The following ARHGAP22 variants were observed in gnomAD, a reference collection of about 807,000 sequenced individuals.
ARHGAP22 encodes the protein Rho GTPase activating protein 22.
A neutral mutation model predicts 59.1 loss-of-function variants in ARHGAP22; 48 were observed. The observed-to-expected ratio is 0.81, with a 90% CI of 0.64 to 1.03. The LOEUF is 1.03. Ranked by LOEUF, ARHGAP22 falls within the 50% of genes least tolerant of loss-of-function variation. ARHGAP22 has a pLI of 0.00. For synonymous variants in ARHGAP22, 445 were observed against 416.4 expected (o/e 1.07, Z -0.84); for missense variants, 1,015 against 958.7 (o/e 1.06, Z -0.78).
intron 1 of ARHGAP22, among the ~76,000 whole-genome samples, chr10:48,587,877 C>T (rs887468824): frequency 1.3e-5 from 2 of 152,244 alleles, no homozygotes; most frequent in East Asian, 1.9e-4. Context: ...CTCATCAGCA[C>T]AGTCCAGCTC....
In ARHGAP22 at chr10:48,496,733, G is replaced by A. The variant is rs146374272; in HGVS notation, c.323-16969C>T. Among the ~76,000 whole-genome samples the A allele has an allele frequency of 1.1e-4, 17 of 152,290 alleles. 1 individual carries two copies. The East Asian group carries it at 1.9e-3, about 17-fold the overall frequency. On this transcript the variant is annotated intron_variant, in intron 3 of 9. Transcript: ENST00000249601. ...ACTAGGTAAGGAAGTCTGTACTGCC[G>A]TGTGCCGGTTGCTACTTTATGGAAT...
chr10:48,442,296 C>T (rs2045221351), downstream of ARHGAP22, among the ~76,000 whole-genome samples: 1 of 152,212 alleles, frequency 6.6e-6, no homozygotes, highest in Non-Finnish European at 1.5e-5. Context: ...TTGGCGTGTG[C>T]ATGCAGGGCA....
chr10:48,473,908 C>T (rs1482889658), intron 4 of ARHGAP22, among the ~76,000 whole-genome samples: 4 of 152,190 alleles, frequency 2.6e-5, no homozygotes, highest in Admixed American at 6.5e-5. Flanking sequence ...CCGAGGCAGC[C>T]CTGGGGACCC....
intron 3 of ARHGAP22, among the ~76,000 whole-genome samples, chr10:48,520,453 T>C (rs972397765): frequency 1.3e-5 from 2 of 151,940 alleles, no homozygotes; most frequent in Non-Finnish European, 2.9e-5. Context: ...TCTGGTCCAG[T>C]GCAGATGATC....
chr10:48,475,481 CAT>C (rs57152497), intron 4 of ARHGAP22, among the ~76,000 whole-genome samples: 3,697 of 152,218 alleles, frequency 0.024, 148 homozygotes, highest in South Asian at 0.11. Context: ...AAACTAGGCC[CAT>C]ATCTTCCTTC....
At chr10:48,577,219 C>G (rs1000689735) in intron 2 of ARHGAP22, among the ~76,000 whole-genome samples, 12 of 152,146 alleles carry the variant, frequency 7.9e-5, no homozygotes, top group Non-Finnish European at 1.5e-4. Context: ...TCCTCTGACT[C>G]TTCCGTATTT....
At chr10:48,497,581 C>CTGGGGAGG (rs1349421522) in intron 3 of ARHGAP22, among the ~76,000 whole-genome samples, 1 of 152,120 alleles carries the variant, frequency 6.6e-6, no homozygotes. Context: ...TGCTGCAGTA[C>CTGGGGAGG]AAGCTGAGCA....
At chr10:48,433,021 G>A in the ARHGAP22 span, among the ~76,000 whole-genome samples, 6 of 152,000 alleles carry the variant, frequency 3.9e-5, no homozygotes, top group South Asian at 1.0e-3. Flanking sequence ...TTTCCCTGTC[G>A]AGTGCCTTCC....
At chr10:48,539,309 T>TTTTTTTTTTTA (rs1590039873) in intron 3 of ARHGAP22, among the ~76,000 whole-genome samples, 2 of 148,250 alleles carry the variant, frequency 1.3e-5, no homozygotes, top group Admixed American at 6.7e-5. Flanking sequence ...TTTTTTTTTT[T>TTTTTTTTTTTA]GAGACGGAGT....
intron 3 of ARHGAP22, among the ~76,000 whole-genome samples, chr10:48,547,411 T>TG (rs1228487152): frequency 6.6e-6 from 1 of 152,128 alleles, no homozygotes; most frequent in African/African-American, 2.4e-5. Flanking sequence ...TTTGGGGAGT[T>TG]GGGGGGGAGG....
At chr10:48,574,045 G>A (rs2058557770) in intron 2 of ARHGAP22, among the ~76,000 whole-genome samples, 1 of 128,312 alleles carries the variant, frequency 7.8e-6, no homozygotes, top group African/African-American at 3.1e-5. Flanking sequence ...TCTGGATACT[G>A]AGACACAGAG....
intron 3 of ARHGAP22, among the ~76,000 whole-genome samples, chr10:48,539,875 A>G (rs2055761365): frequency 6.6e-6 from 1 of 152,240 alleles, no homozygotes. Context: ...TTGACTTATA[A>G]TAAATTTTTT....
At position 48,459,853 on chromosome 10, in the gene ARHGAP22, C is replaced by T. The variant is rs754992911; in HGVS notation, c.490G>A (p.Glu164Lys). ...GCCAGGCGGGGGCCATACTTCCGCT[C>T]GTGGTGGACTGTTTCCTCTAGGCGC... ...GQRLEETVHH[E>K]RKYGPRLAPL... The change falls in exon 5 of 10, where the codon GAG (glutamate) becomes AAG (lysine). Residue 164 changes from glutamate to lysine, a missense_variant. By Grantham distance (56) the Glu-to-Lys change is moderately conservative. Transcript: ENST00000249601. The T allele has an allele frequency of 3.7e-6, 6 of 1,613,156 alleles. No homozygotes were observed. Among genetic ancestry groups the T allele is most frequent in the East Asian group, 2.2e-5 (1 of 44,882 alleles).
At position 48,450,403 on chromosome 10, in the gene ARHGAP22, C is replaced by G. The variant is rs755362277; in HGVS notation, c.1726G>C (p.Gly576Arg). 1.3e-6 allele frequency: 2 copies of G among 1,569,406 alleles called. No homozygotes were observed. Among genetic ancestry groups the G allele is most frequent in the South Asian group, 2.3e-5 (2 of 85,834 alleles). ...TCGCTGGGCTCGCTGTTGCTGGCAC[C>G]CGCGCCCGCCTCGTCCATGCTGTGG... is the stretch of plus-strand genomic sequence containing the variant. ...LDHSMDEAGA[G>R]ASNSEPSEPD... Residue 576 changes from glycine to arginine, a missense_variant, in exon 9 of 10, where the codon GGT (glycine) becomes CGT (arginine). Physicochemically the swap from Gly to Arg is moderately radical, Grantham distance 125. Coordinates refer to ENST00000249601, the MANE Select transcript of ARHGAP22 (RefSeq NM_021226.4).
rs193112390 is a variant in ARHGAP22 at position 48,493,944 on chromosome 10, A to G, written c.323-14180T>C. Among the ~76,000 whole-genome samples the G allele has an allele frequency of 2.1e-3, 317 of 152,340 alleles. 1 individual carries two copies. The highest frequency in any genetic ancestry group is 3.7e-3 in the Admixed American group (56 of 15,308). ...CCCACCAGGTATTGGAGATTAATGA[A>G]TGCATGGGAGAAGCCTGATGTAAGT... On this transcript the variant is annotated intron_variant, in intron 3 of 9. Transcript: ENST00000249601.
At chr10:48,654,770 A>ATTACTTAC (rs757989200), upstream of ARHGAP22, among the ~76,000 whole-genome samples, 2 of 138,420 alleles carry the variant, frequency 1.4e-5, no homozygotes, top group African/African-American at 5.5e-5. Context: ...GGACATGCTG[A>ATTACTTAC]TTACTTTCTT....
chr10:48,442,581 A>G (rs1421549060), downstream of ARHGAP22, among the ~76,000 whole-genome samples: 1 of 151,786 alleles, frequency 6.6e-6, no homozygotes, highest in African/African-American at 2.4e-5. Context: ...GAACCAATGA[A>G]CCCACGTGCT....
chr10:48,545,250 C>T (rs1311237866), intron 3 of ARHGAP22, among the ~76,000 whole-genome samples: 1 of 152,214 alleles, frequency 6.6e-6, no homozygotes, highest in East Asian at 1.9e-4. Context: ...GCTTGCATTA[C>T]ATCTCTATAG....
At chr10:48,555,816 G>A (rs1037125204) in intron 2 of ARHGAP22, among the ~76,000 whole-genome samples, 2 of 152,186 alleles carry the variant, frequency 1.3e-5, no homozygotes, top group Admixed American at 6.5e-5. Flanking sequence ...TCTGGAGCAG[G>A]GAGGGAGGCT....
Sources: allele counts gnomAD v4.1 joint callset (sites outside exome capture counted in the v4.1 genomes callset), GRCh38; gene constraint gnomAD v4.1.1; transcripts MANE v1.5; gene names NCBI Gene and HGNC (gene_info 2026-07-23, HGNC 2026-07-21).